The following ARHGAP32 variants were observed in gnomAD, a reference collection of about 807,000 sequenced individuals.
The protein encoded by ARHGAP32 is Rho GTPase activating protein 32.
In ARHGAP32, 51 loss-of-function variants were observed where a neutral mutation model predicts 186.5. That is an observed-to-expected ratio of 0.27 (90% CI 0.22 to 0.35). ARHGAP32 has a LOEUF of 0.35. Among genes scored for constraint, ARHGAP32 ranks in the 10% least tolerant of loss-of-function variants. The probability of loss-of-function intolerance (pLI) is 1.00; values close to 1 mark genes in which losing one functional copy is unlikely to be tolerated. For synonymous variants in ARHGAP32, 950 were observed against 964.3 expected (o/e 0.99, Z 0.27); for missense variants, 2,186 against 2,623.5 (o/e 0.83, Z 3.64).
chr11:129,193,979 A>T (rs895903764), upstream of ARHGAP32, among the ~76,000 whole-genome samples: 2 of 151,526 alleles, frequency 1.3e-5, no homozygotes, highest in African/African-American at 4.8e-5. Context: ...ATACTCAGAG[A>T]TAAACATAAA....
chr11:129,251,857 C>A (rs1378306268), intron 1 of ARHGAP32, among the ~76,000 whole-genome samples: 1 of 151,004 alleles, frequency 6.6e-6, no homozygotes, highest in African/African-American at 2.4e-5. Context: ...ACTGTTTGAA[C>A]CCAGGAGGCG....
chr11:129,135,143 T>C (rs1942906158), intron 2 of ARHGAP32, among the ~76,000 whole-genome samples: 1 of 152,202 alleles, frequency 6.6e-6, no homozygotes, highest in Non-Finnish European at 1.5e-5. Context: ...TTCCCCAATA[T>C]TATCTGTAGA....
intron 15 of ARHGAP32, among the ~76,000 whole-genome samples, chr11:128,982,780 C>T (rs950734583): frequency 6.6e-6 from 1 of 150,442 alleles, no homozygotes; most frequent in African/African-American, 2.4e-5. Flanking sequence ...GTGCCAGCTA[C>T]TCGGGAGGCT....
At chr11:129,086,799 C>T (rs536928692) in intron 6 of ARHGAP32, among the ~76,000 whole-genome samples, 14 of 135,742 alleles carry the variant, frequency 1.0e-4, no homozygotes, top group South Asian at 2.3e-4. Flanking sequence ...CCAGCCTGGG[C>T]GACAGAGTGA....
intron 1 of ARHGAP32, among the ~76,000 whole-genome samples, chr11:129,276,700 C>T (rs149336585): frequency 1.3e-5 from 2 of 152,156 alleles, no homozygotes; most frequent in South Asian, 2.1e-4. Context: ...TAAGTTTATA[C>T]GTAATGACAA....
At position 129,227,558 on chromosome 11, in the gene ARHGAP32, T is replaced by C. The variant is rs1433383532; in HGVS notation, c.-5+51588A>G. On this transcript the variant is annotated intron_variant, in intron 1 of 6. Coordinates refer to the ARHGAP32 transcript ENST00000525234. ...CTTTAAATATAAAGACATGAATAGG[T>C]TGAAAGTGAAAGGATGGAAAAGCTA... is the stretch of plus-strand genomic sequence containing the variant. Among the ~76,000 whole-genome samples, 7 of 150,466 alleles carry C rather than the reference T, an allele frequency of 4.7e-5. No individual in the cohort carries two copies. In the South Asian group the frequency reaches 1.0e-3, roughly 22 times the overall value.
chr11:129,227,050 A>T (rs562453567), intron 1 of ARHGAP32, among the ~76,000 whole-genome samples: 3 of 152,136 alleles, frequency 2.0e-5, no homozygotes, highest in Non-Finnish European at 4.4e-5. Flanking sequence ...GCACAGAGCA[A>T]ATCATAAATT....
intron 1 of ARHGAP32, among the ~76,000 whole-genome samples, chr11:129,226,255 T>G (rs1458825150): frequency 6.6e-6 from 1 of 152,114 alleles, no homozygotes; most frequent in African/African-American, 2.4e-5. Context: ...TTTACAACTT[T>G]GATGAAAAGC....
chr11:129,109,210 T>C (rs938053691), intron 5 of ARHGAP32, among the ~76,000 whole-genome samples: 4 of 152,162 alleles, frequency 2.6e-5, no homozygotes, highest in Non-Finnish European at 5.9e-5. Context: ...GTTCCATCCA[T>C]GTTGCTGCAA....
At chr11:129,265,833 T>A (rs1945391073) in intron 1 of ARHGAP32, among the ~76,000 whole-genome samples, 1 of 152,168 alleles carries the variant, frequency 6.6e-6, no homozygotes, top group Admixed American at 6.5e-5. Flanking sequence ...GAGTTTGAGG[T>A]GACCATTTCA....
At chr11:129,177,692 G>C (rs1473952755) in intron 1 of ARHGAP32, among the ~76,000 whole-genome samples, 2 of 152,090 alleles carry the variant, frequency 1.3e-5, no homozygotes, top group African/African-American at 2.4e-5. Flanking sequence ...AAAACCACAT[G>C]ATTATCTCAA....
chr11:129,268,076 G>A (rs1324006929), intron 1 of ARHGAP32, among the ~76,000 whole-genome samples: 1 of 152,098 alleles, frequency 6.6e-6, no homozygotes, highest in Admixed American at 6.5e-5. Flanking sequence ...GTTTGGAGGG[G>A]TCAAATATCC....
Position 129,060,221 on chromosome 11 carries a change from G to A in ARHGAP32, c.963+2059C>T, listed in dbSNP as rs1940434058. ...ATATCTGTTACATAAACAAAGGGAA[G>A]ACAATCATAGAATTTAAATGTTGAG... On this transcript the variant is annotated intron_variant, in intron 10 of 22. Transcript: ENST00000682385. Among the ~76,000 whole-genome samples the A allele has an allele frequency of 3.9e-5, 6 of 152,206 alleles. No individual in the cohort carries two copies. In the South Asian group the frequency reaches 1.2e-3, roughly 32 times the overall value.
chr11:129,272,319 T>A lies in ARHGAP32; in HGVS notation c.-5+6827A>T, dbSNP rs141130010. 1.1e-4 allele frequency among the ~76,000 whole-genome samples: 16 copies of A among 152,292 alleles called. No individual in the cohort carries two copies. In the East Asian group the frequency reaches 2.9e-3, roughly 28 times the overall value. ...CTCCACAAGATCATCTAAAAATCCA[T>A]CTTATTCATCCATCCCCCGCTAAGG... On this transcript the variant is annotated intron_variant, in intron 1 of 6. Coordinates refer to the ARHGAP32 transcript ENST00000525234.
At chr11:129,083,793 C>T (rs1941297888) in intron 6 of ARHGAP32, among the ~76,000 whole-genome samples, 1 of 151,908 alleles carries the variant, frequency 6.6e-6, no homozygotes, top group South Asian at 2.1e-4. Context: ...CAAATTAAAT[C>T]CAAAGTAAAG....
At chr11:129,149,902 A>G (rs1414346758) in intron 2 of ARHGAP32, among the ~76,000 whole-genome samples, 4 of 152,146 alleles carry the variant, frequency 2.6e-5, no homozygotes, top group Non-Finnish European at 5.9e-5. Flanking sequence ...TAGAAAATAC[A>G]GGATATAGAT....
At chr11:128,995,645 C>T (rs1017407924) in intron 12 of ARHGAP32, among the ~76,000 whole-genome samples, 14 of 152,208 alleles carry the variant, frequency 9.2e-5, no homozygotes, top group African/African-American at 3.4e-4. Flanking sequence ...TCGAGATCAG[C>T]CTGGCCAACA....
At chr11:128,984,604 T>C (rs1483298446) in intron 15 of ARHGAP32, among the ~76,000 whole-genome samples, 1 of 151,982 alleles carries the variant, frequency 6.6e-6, no homozygotes, top group Non-Finnish European at 1.5e-5. Context: ...TAAGTTATAG[T>C]GAAGAAAAGA....
chr11:129,201,035 T>C (rs1274781962), intron 1 of ARHGAP32, among the ~76,000 whole-genome samples: 1 of 152,178 alleles, frequency 6.6e-6, no homozygotes. Context: ...ATGTGAAGTA[T>C]GGAAAATTAA....
Sources: gnomAD v4.1 joint callset for allele counts (sites outside exome capture counted in the v4.1 genomes callset) on GRCh38, gnomAD v4.1.1 for gene constraint, MANE v1.5 for transcripts, NCBI Gene and HGNC (gene_info 2026-07-23, HGNC 2026-07-21) for gene names.